Variants in PTPRT observed in about 807,000 individuals in gnomAD.
The protein encoded by PTPRT is protein tyrosine phosphatase receptor type T, also known as receptor-type tyrosine-protein phosphatase T.
A neutral mutation model predicts 176.8 loss-of-function variants in PTPRT; 56 were observed. The observed-to-expected ratio is 0.32, with a 90% CI of 0.26 to 0.40. PTPRT has a LOEUF of 0.40. Among genes scored for constraint, PTPRT ranks in the 10% least tolerant of loss-of-function variants. The probability of loss-of-function intolerance (pLI) is 1.00; values close to 1 mark genes in which losing one functional copy is unlikely to be tolerated. For missense variants in PTPRT, 1,540 were observed against 1,908.2 expected (o/e 0.81, Z 3.60); for synonymous variants, 783 against 739.0 (o/e 1.06, Z -0.96).
intron 2 of PTPRT, among the ~76,000 whole-genome samples, chr20:42,868,898 A>T (rs2078796696): frequency 6.6e-6 from 1 of 152,136 alleles, no homozygotes; most frequent in Admixed American, 6.5e-5. Context: ...TGCTTACTGA[A>T]TTCTGGTGTA....
chr20:42,092,151 C>G (rs1416218851), intron 27 of PTPRT, among the ~76,000 whole-genome samples: 1 of 152,044 alleles, frequency 6.6e-6, no homozygotes, highest in East Asian at 1.9e-4. Context: ...GCAACAGGGT[C>G]AGGGGAAGAT....
rs987073446 is a variant in PTPRT, at chr20:42,273,740, T to A, written c.2176+8749A>T. On this transcript the variant is annotated intron_variant, in intron 13 of 30. Transcript: ENST00000373187. ...GATTCAGTATTTTTCACTCACTAGC[T>A]GTGTCATTTGGAAAATTACATACAT... 4.6e-5 allele frequency among the ~76,000 whole-genome samples: 7 copies of A among 152,404 alleles called. No individual in the cohort carries two copies. In the East Asian group the frequency reaches 1.3e-3, roughly 29 times the overall value.
At chr20:42,351,802 G>A (rs1322681609) in intron 10 of PTPRT, among the ~76,000 whole-genome samples, 1 of 152,082 alleles carries the variant, frequency 6.6e-6, no homozygotes, top group African/African-American at 2.4e-5. Flanking sequence ...ACCAACTTGT[G>A]TGCAATATAC....
intron 7 of PTPRT, among the ~76,000 whole-genome samples, chr20:42,523,997 TA>T (rs574454521): frequency 1.5e-4 from 22 of 149,364 alleles, no homozygotes; most frequent in Non-Finnish European, 2.1e-4. Flanking sequence ...ACCCTATCTC[TA>T]AAAAAAAAAT....
the PTPRT span, among the ~76,000 whole-genome samples, chr20:42,045,247 A>C: frequency 6.6e-6 from 1 of 152,042 alleles, no homozygotes; most frequent in African/African-American, 2.4e-5. Context: ...GAGTACTGTT[A>C]ATAAAGGAGG....
intron 13 of PTPRT, among the ~76,000 whole-genome samples, chr20:42,277,923 TCCATC>T (rs2057070491): frequency 6.6e-6 from 1 of 150,376 alleles, no homozygotes; most frequent in Admixed American, 6.6e-5. Flanking sequence ...CATCCATCCA[TCCATC>T]CATTTGTTCA....
chr20:42,209,403 G>A, intron 15 of PTPRT, among the ~76,000 whole-genome samples: 1 of 151,688 alleles, frequency 6.6e-6, no homozygotes. Flanking sequence ...CTGCTAGCAA[G>A]ACTAATAAAG....
In PTPRT at chr20:42,444,023, A is replaced by G. The variant is rs189348963; in HGVS notation, c.1560+4197T>C. On this transcript the variant is annotated intron_variant, in intron 9 of 30. Transcript: ENST00000373187. ...ATTGGATCCCTTCATTCCTCTGTGTAGAACCCTCCTAGGGCTTTCCATTCC... is the reference window on the plus strand; with the variant it reads ...ATTGGATCCCTTCATTCCTCTGTGTGGAACCCTCCTAGGGCTTTCCATTCC... Among the ~76,000 whole-genome samples, 13 of 152,286 alleles carry G rather than the reference A, an allele frequency of 8.5e-5. No homozygotes were observed. The East Asian group carries it at 2.1e-3, about 25-fold the overall frequency.
At chr20:42,178,177 C>T (rs563494591) in intron 16 of PTPRT, among the ~76,000 whole-genome samples, 125 of 152,236 alleles carry the variant, frequency 8.2e-4, no homozygotes, top group South Asian at 1.5e-3. Flanking sequence ...ACCTTGTGAT[C>T]CACCCACCTC....
At chr20:42,247,391 G>C (rs2056471109) in intron 14 of PTPRT, among the ~76,000 whole-genome samples, 1 of 152,192 alleles carries the variant, frequency 6.6e-6, no homozygotes, top group Admixed American at 6.5e-5. Context: ...CTGATTGCTG[G>C]AAATGGGGAT....
intron 18 of PTPRT, 111 bp downstream of exon 18, chr20:42,141,804 A>T: frequency 9.7e-7 from 1 of 1,030,856 alleles, no homozygotes; most frequent in Non-Finnish European, 1.5e-6. Context: ...ATACAAAGCT[A>T]GAGACAGCAA....
chr20:42,396,499 C>T (rs892336660), intron 9 of PTPRT, among the ~76,000 whole-genome samples: 5 of 152,174 alleles, frequency 3.3e-5, no homozygotes, highest in East Asian at 1.9e-4. Flanking sequence ...CTTTCCCTTA[C>T]TCACTCTATT....
At chr20:43,122,569 G>A (rs947940107) in intron 1 of PTPRT, among the ~76,000 whole-genome samples, 1 of 152,144 alleles carries the variant, frequency 6.6e-6, no homozygotes, top group Admixed American at 6.5e-5. Flanking sequence ...ATGGTTTAGC[G>A]CCATCCACTT....
intron 9 of PTPRT, among the ~76,000 whole-genome samples, chr20:42,384,027 G>A (rs2058720156): frequency 6.6e-6 from 1 of 152,190 alleles, no homozygotes; most frequent in Admixed American, 6.5e-5. Context: ...ATGGATGGAA[G>A]ATTTATCAAT....
At chr20:42,089,558 C>T (rs969197163) in intron 27 of PTPRT, among the ~76,000 whole-genome samples, 1 of 152,154 alleles carries the variant, frequency 6.6e-6, no homozygotes, top group African/African-American at 2.4e-5. Flanking sequence ...TCCTATATTT[C>T]GGGACACTTC....
intron 1 of PTPRT, among the ~76,000 whole-genome samples, chr20:42,904,778 C>T (rs919532105): frequency 6.6e-6 from 1 of 152,156 alleles, no homozygotes; most frequent in Non-Finnish European, 1.5e-5. Flanking sequence ...CTACAACCAT[C>T]TGATCTTTGA....
At chr20:42,553,890 G>T (rs6102906) in intron 7 of PTPRT, among the ~76,000 whole-genome samples, 1 of 152,274 alleles carries the variant, frequency 6.6e-6, no homozygotes, top group East Asian at 1.9e-4. Context: ...ACATTTCTAA[G>T]GTGGAGCTGA....
chr20:42,992,807 C>G (rs1010274839), intron 1 of PTPRT, among the ~76,000 whole-genome samples: 18 of 152,160 alleles, frequency 1.2e-4, no homozygotes, highest in African/African-American at 4.1e-4. Context: ...GAGACTGATG[C>G]AGCTAAGGGC....
At chr20:42,129,855 T>G (rs1369966998) in intron 18 of PTPRT, among the ~76,000 whole-genome samples, 1 of 152,218 alleles carries the variant, frequency 6.6e-6, no homozygotes, top group East Asian at 1.9e-4. Flanking sequence ...ACTGGGACAT[T>G]ATGCCTTATT....
Sources: allele counts gnomAD v4.1 joint callset (sites outside exome capture counted in the v4.1 genomes callset), GRCh38; gene constraint gnomAD v4.1.1; transcripts MANE v1.5; gene names NCBI Gene and HGNC (gene_info 2026-07-23, HGNC 2026-07-21).